UTRN: variants seen among roughly 807,000 people sequenced by gnomAD.
The protein encoded by UTRN is utrophin, also known as dystrophin-related protein 1.
UTRN carries 283 observed loss-of-function variants against 463.9 expected under a neutral mutation model. That is an observed-to-expected ratio of 0.61 (90% CI 0.55 to 0.67). The LOEUF (loss-of-function observed/expected upper bound fraction) is 0.67, where lower values mean the gene tolerates loss of function less well. Among genes scored for constraint, UTRN ranks in the 30% least tolerant of loss-of-function variants. UTRN has a pLI of 0.00. For missense variants in UTRN, 3,922 were observed against 4,084.3 expected, an observed-to-expected ratio of 0.96 and a Z score of 1.08; for synonymous variants, 1,442 against 1,431.5, an observed-to-expected ratio of 1.01 and a Z score of -0.17.
At chr6:144,599,979 T>C (rs1026798828) in intron 51 of UTRN, among the ~76,000 whole-genome samples, 2 of 152,204 alleles carry the variant, frequency 1.3e-5, no homozygotes, top group African/African-American at 4.8e-5. Flanking sequence ...AACTTTTTCA[T>C]TATTATTATA....
intron 70 of UTRN, 25 bp downstream of exon 70, chr6:144,835,963 A>C: frequency 6.2e-7 from 1 of 1,609,888 alleles, no homozygotes; most frequent in Non-Finnish European, 8.5e-7. Context: ...GGAGAAGGAA[A>C]TATGTCATCC....
At chr6:144,671,319 A>G (rs1399789522) in intron 51 of UTRN, among the ~76,000 whole-genome samples, 1 of 152,086 alleles carries the variant, frequency 6.6e-6, no homozygotes, top group East Asian at 1.9e-4. Context: ...TTCTTTCAGC[A>G]GCATTTTATA....
chr6:144,439,471 T>A (rs542036414), intron 12 of UTRN, among the ~76,000 whole-genome samples: 1 of 152,196 alleles, frequency 6.6e-6, no homozygotes, highest in East Asian at 1.9e-4. Flanking sequence ...ACACTATTGA[T>A]AGTATTTAAA....
intron 51 of UTRN, among the ~76,000 whole-genome samples, chr6:144,641,037 A>G (rs981331526): frequency 6.6e-6 from 1 of 152,144 alleles, no homozygotes; most frequent in Admixed American, 6.6e-5. Flanking sequence ...ATTCTTACCA[A>G]TGATAATAAC....
At chr6:144,541,526 T>A (rs12195386) in intron 45 of UTRN, among the ~76,000 whole-genome samples, 11,464 of 152,310 alleles carry the variant, frequency 0.075, 1,140 homozygotes, top group African/African-American at 0.23. Context: ...CAATGCTCAT[T>A]GTGCAGAAAA....
At position 144,557,193 on chromosome 6, in the gene UTRN, G is replaced by A. The variant is rs773392390; in HGVS notation, c.7171G>A (p.Val2391Ile). The change falls in exon 50 of 75, where the codon GTC becomes ATC. Residue 2391 changes from valine to isoleucine, a missense_variant. Val to Ile is a conservative substitution (Grantham distance 29). Transcript: ENST00000367545. ...LQELGPGDGI[V>I]MAFDNVLQKL... ...AGAACTGGGTCCTGGAGATGGTATC[G>A]TCATGGCGTTCGATAACGTCCTGCA... 57 of 1,613,848 alleles carry A rather than the reference G, an allele frequency of 3.5e-5. No homozygotes were observed. The highest frequency in any genetic ancestry group is 2.4e-4 in the South Asian group (22 of 91,086).
chr6:144,386,927 T>G (rs1781473714), intron 2 of UTRN, among the ~76,000 whole-genome samples: 1 of 152,182 alleles, frequency 6.6e-6, no homozygotes, highest in South Asian at 2.1e-4. Context: ...TACTCCATTT[T>G]TTCTTATTTA....
intron 53 of UTRN, among the ~76,000 whole-genome samples, chr6:144,726,120 A>T (rs1280443334): frequency 2.6e-5 from 4 of 152,170 alleles, no homozygotes; most frequent in Non-Finnish European, 5.9e-5. Flanking sequence ...TAATGAATCC[A>T]GGAGACCTGA....
chr6:144,353,858 AAC>A (rs1562284082), intron 2 of UTRN, among the ~76,000 whole-genome samples: 1 of 152,032 alleles, frequency 6.6e-6, no homozygotes, highest in Non-Finnish European at 1.5e-5. Context: ...CAAACAAACA[AAC>A]ACACACAAAA....
intron 51 of UTRN, among the ~76,000 whole-genome samples, chr6:144,624,540 A>G (rs369997244): frequency 9.9e-5 from 15 of 152,280 alleles, no homozygotes; most frequent in African/African-American, 3.1e-4. Context: ...GAGGGGAGGG[A>G]ACATTTGGAG....
chr6:144,416,689 C>A (rs1471196430), intron 3 of UTRN, among the ~76,000 whole-genome samples: 1 of 152,188 alleles, frequency 6.6e-6, no homozygotes, highest in Non-Finnish European at 1.5e-5. Context: ...TAGTATCTGT[C>A]ATCTAGAGTT....
chr6:144,798,047 T>C, intron 64 of UTRN, 57 bp downstream of exon 64: 1 of 1,608,738 alleles, frequency 6.2e-7, no homozygotes, highest in African/African-American at 1.3e-5. Context: ...GTAATCTCAG[T>C]GGTACGTCCA....
rs199664830 is a variant in UTRN, at chr6:144,458,900, G to A, written c.2415G>A (p.Lys805=). The A allele has an allele frequency of 5.6e-6, 9 of 1,613,816 alleles. No homozygotes were observed. In the South Asian group the frequency reaches 7.7e-5, roughly 14 times the overall value. ...AGGAAGATATAAATGCTTATTTCAA[G>A]CAGCTTGATGAGCTTGAAAAGGTCA... ...QLQEDINAYF[K]QLDELEKVIK... The change falls in exon 20 of 75, where the codon AAG becomes AAA. Residue 805 remains lysine (K), a synonymous_variant. Coordinates refer to ENST00000367545, the MANE Select transcript of UTRN (RefSeq NM_007124.3).
chr6:144,743,203 A>G (rs1259044934), intron 54 of UTRN, among the ~76,000 whole-genome samples: 1 of 152,242 alleles, frequency 6.6e-6, no homozygotes, highest in Non-Finnish European at 1.5e-5. Context: ...GGAAGGAAAG[A>G]AAACATTCTT....
chr6:144,823,308 C>T (rs7744263), intron 66 of UTRN, among the ~76,000 whole-genome samples: 5,497 of 152,050 alleles, frequency 0.036, 293 homozygotes, highest in African/African-American at 0.11. Flanking sequence ...ACCAAGCTCT[C>T]GGGATTTGAT....
chr6:144,287,472 C>T (rs1803808450), intron 1 of UTRN, among the ~76,000 whole-genome samples: 1 of 152,138 alleles, frequency 6.6e-6, no homozygotes, highest in African/African-American at 2.4e-5. Flanking sequence ...TCAATCGTTC[C>T]TAGGTTTTGG....
intron 2 of UTRN, among the ~76,000 whole-genome samples, chr6:144,383,819 G>C (rs1781156162): frequency 2.6e-5 from 4 of 152,172 alleles, no homozygotes; most frequent in Admixed American, 2.6e-4. Flanking sequence ...GGCATGATCA[G>C]AGTGAAAACA....
In UTRN at chr6:144,789,232, T is replaced by C. The variant is rs779665989; in HGVS notation, c.8873T>C (p.Ile2958Thr). Reference sequence around the variant, plus strand: ...AAAATTAGAGTGCAGAGTCTGAAGATTGGATTAATGTCTCTCTCCAAAGGT... The same window carrying C: ...AAAATTAGAGTGCAGAGTCTGAAGACTGGATTAATGTCTCTCTCCAAAGGT... ...TGKIRVQSLK[I>T]GLMSLSKGLL... is the part of the protein sequence containing the mutation. The change falls in exon 62 of 75, where the codon ATT (isoleucine) becomes ACT (threonine). Residue 2958 changes from isoleucine (I) to threonine (T), a missense_variant. Ile to Thr is a moderately conservative substitution (Grantham distance 89, BLOSUM62 -1). Transcript: ENST00000367545. 3.7e-6 allele frequency: 6 copies of C among 1,613,452 alleles called. No individual in the cohort carries two copies. Among genetic ancestry groups the C allele is most frequent in the Non-Finnish European group, 5.1e-6 (6 of 1,179,762 alleles).
chr6:144,665,622 C>T (rs1381027596), intron 51 of UTRN, among the ~76,000 whole-genome samples: 1 of 152,062 alleles, frequency 6.6e-6, no homozygotes, highest in Non-Finnish European at 1.5e-5. Context: ...AATGTTTTCC[C>T]GTATTTGTGA....
Sources: gnomAD v4.1 joint callset for allele counts (sites outside exome capture counted in the v4.1 genomes callset) on GRCh38, gnomAD v4.1.1 for gene constraint, MANE v1.5 for transcripts, NCBI Gene and HGNC (gene_info 2026-07-23, HGNC 2026-07-21) for gene names.